PDE1C: variants seen among roughly 807,000 people sequenced by gnomAD.
PDE1C encodes the protein dual specificity calcium/calmodulin-dependent 3',5'-cyclic nucleotide phosphodiesterase 1C.
PDE1C carries 62 observed loss-of-function variants against 93.1 expected under a neutral mutation model. That is an observed-to-expected ratio of 0.67 (90% CI 0.54 to 0.82). PDE1C has a LOEUF of 0.82. Ranked by LOEUF, PDE1C falls within the 40% of genes least tolerant of loss-of-function variation. PDE1C has a pLI of 0.00. For synonymous variants in PDE1C, 325 were observed against 310.1 expected (o/e 1.05, Z -0.50); for missense variants, 742 against 884.6 (o/e 0.84, Z 2.04).
chr7:31,888,485 GAAA>G (rs1798243527), intron 2 of PDE1C, among the ~76,000 whole-genome samples: 3 of 151,516 alleles, frequency 2.0e-5, no homozygotes, highest in Admixed American at 2.0e-4. Flanking sequence ...GACTGATCAA[GAAA>G]AAAGAGAAAT....
chr7:32,239,625 C>A (rs1327903428), intron 1 of PDE1C, among the ~76,000 whole-genome samples: 1 of 152,064 alleles, frequency 6.6e-6, no homozygotes, highest in African/African-American at 2.4e-5. Flanking sequence ...CTTTACTTTA[C>A]TAATAATCAG....
intron 2 of PDE1C, among the ~76,000 whole-genome samples, chr7:31,938,076 G>C (rs1016967107): frequency 2.0e-5 from 3 of 151,974 alleles, no homozygotes; most frequent in Non-Finnish European, 2.9e-5. Context: ...TAATCATCCA[G>C]ACTGAGATCT....
At chr7:31,711,866 G>A in the PDE1C span, among the ~76,000 whole-genome samples, 1 of 152,132 alleles carries the variant, frequency 6.6e-6, no homozygotes, top group Non-Finnish European at 1.5e-5. Flanking sequence ...TCTCAAGCCT[G>A]GGCCCTGCTT....
At chr7:31,998,815 A>C (rs762661152) in intron 2 of PDE1C, among the ~76,000 whole-genome samples, 1 of 152,208 alleles carries the variant, frequency 6.6e-6, no homozygotes, top group African/African-American at 2.4e-5. Flanking sequence ...TAATATCTGC[A>C]CATTTTCTCA....
chr7:31,924,265 C>T (rs1472194571), intron 2 of PDE1C, among the ~76,000 whole-genome samples: 3 of 152,128 alleles, frequency 2.0e-5, no homozygotes, highest in Non-Finnish European at 4.4e-5. Context: ...ATACCTCACA[C>T]AGGACAGACA....
chr7:31,998,435 C>T (rs964215481), intron 2 of PDE1C, among the ~76,000 whole-genome samples: 5 of 152,134 alleles, frequency 3.3e-5, no homozygotes, highest in African/African-American at 1.2e-4. Flanking sequence ...CTATGGTAGG[C>T]CTCTGTGCAT....
chr7:32,244,553 C>T (rs1229176593), intron 1 of PDE1C, among the ~76,000 whole-genome samples: 1 of 152,140 alleles, frequency 6.6e-6, no homozygotes, highest in African/African-American at 2.4e-5. Context: ...TAATCAATGG[C>T]TCTCTCAATC....
upstream of PDE1C, among the ~76,000 whole-genome samples, chr7:32,072,977 C>T (rs1476683636): frequency 6.6e-6 from 1 of 152,180 alleles, no homozygotes; most frequent in African/African-American, 2.4e-5. Context: ...AAAGAAATTG[C>T]TGAAAAGAGA....
chr7:31,663,859 A>T, the PDE1C span, among the ~76,000 whole-genome samples: 1 of 152,204 alleles, frequency 6.6e-6, no homozygotes, highest in African/African-American at 2.4e-5. Flanking sequence ...CTTCAAATAC[A>T]TTTCTGCACG....
intron 17 of PDE1C, among the ~76,000 whole-genome samples, chr7:31,767,695 C>T (rs1396171989): frequency 2.0e-5 from 3 of 152,168 alleles, no homozygotes; most frequent in East Asian, 3.8e-4. Context: ...GGGTTACAAA[C>T]AACAGAAATT....
the PDE1C span, among the ~76,000 whole-genome samples, chr7:31,622,948 C>A: frequency 7.9e-5 from 12 of 152,182 alleles, no homozygotes; most frequent in Non-Finnish European, 1.6e-4. Context: ...CACAGAAATA[C>A]AAACTAGCAT....
chr7:32,105,500 C>T (rs1009284414), intron 3 of PDE1C, among the ~76,000 whole-genome samples: 38 of 152,228 alleles, frequency 2.5e-4, no homozygotes, highest in African/African-American at 8.4e-4. Context: ...CCCAATAAGA[C>T]TGAAGGTTTA....
chr7:32,173,614 G>C (rs995932628), intron 2 of PDE1C, among the ~76,000 whole-genome samples: 1 of 152,000 alleles, frequency 6.6e-6, no homozygotes, highest in Non-Finnish European at 1.5e-5. Flanking sequence ...TTCACACAAA[G>C]CCTCCTTATG....
At chr7:31,763,832 G>A (rs1794976362) in intron 17 of PDE1C, among the ~76,000 whole-genome samples, 1 of 152,020 alleles carries the variant, frequency 6.6e-6, no homozygotes, top group Non-Finnish European at 1.5e-5. Flanking sequence ...CACAGGATGG[G>A]TTTTATTACA....
the PDE1C span, among the ~76,000 whole-genome samples, chr7:31,694,225 A>C: frequency 6.6e-6 from 1 of 152,196 alleles, no homozygotes; most frequent in Non-Finnish European, 1.5e-5. Flanking sequence ...GACTGGAGTT[A>C]ATACAGATAC....
intron 1 of PDE1C, among the ~76,000 whole-genome samples, chr7:32,365,818 C>T (rs1308151103): frequency 1.3e-5 from 2 of 152,176 alleles, no homozygotes; most frequent in African/African-American, 4.8e-5. Context: ...ACCACTGAGA[C>T]ACTCAAAAAT....
chr7:32,360,817 A>C (rs1203197992), intron 1 of PDE1C, among the ~76,000 whole-genome samples: 1 of 152,164 alleles, frequency 6.6e-6, no homozygotes, highest in East Asian at 1.9e-4. Context: ...CCCTGTCTAA[A>C]CTCAAAGACT....
intron 3 of PDE1C, among the ~76,000 whole-genome samples, chr7:32,161,272 C>G (rs1356423570): frequency 1.3e-5 from 2 of 152,150 alleles, no homozygotes; most frequent in African/African-American, 2.4e-5. Context: ...AGTGTCCAGA[C>G]AGCACACGGA....
Position 31,756,221 on chromosome 7 carries a change from C to A in PDE1C, c.1961-2668G>T, listed in dbSNP as rs73311184. ...AAAGAGTAACTTTATATAGAGAAATCTAGTAAACACTTCTTCCAGGGGATC... is the reference window on the plus strand; with the variant it reads ...AAAGAGTAACTTTATATAGAGAAATATAGTAAACACTTCTTCCAGGGGATC... On this transcript the variant is annotated intron_variant, in intron 17 of 17. Transcript: ENST00000396191. Among the ~76,000 whole-genome samples, 997 of 152,150 alleles carry A rather than the reference C, an allele frequency of 6.6e-3. 15 individuals are homozygous for A. Among genetic ancestry groups the A allele is most frequent in the African/African-American group, 0.023 (964 of 41,500 alleles).
Sources: allele counts gnomAD v4.1 joint callset (sites outside exome capture counted in the v4.1 genomes callset), GRCh38; gene constraint gnomAD v4.1.1; transcripts MANE v1.5; gene names NCBI Gene and HGNC (gene_info 2026-07-23, HGNC 2026-07-21).